The following SORBS2 variants were observed in gnomAD, a reference collection of about 807,000 sequenced individuals.
The protein encoded by SORBS2 is sorbin and SH3 domain containing 2, also known as sorbin and SH3 domain-containing protein 2.
Under a neutral mutation model 97.7 loss-of-function variants are expected in SORBS2, and 46 were observed. The observed-to-expected ratio is 0.47, with a 90% CI of 0.37 to 0.60. The LOEUF (loss-of-function observed/expected upper bound fraction) is 0.60. Ranked by LOEUF, SORBS2 falls within the 20% of genes least tolerant of loss-of-function variation. The pLI is 0.00. For synonymous variants in SORBS2, 476 were observed against 473.4 expected, an observed-to-expected ratio of 1.01 and a Z score of -0.07; for missense variants, 1,316 against 1,282.3, an observed-to-expected ratio of 1.03 and a Z score of -0.40.
At chr4:185,898,625 G>C (rs151071837) in intron 1 of SORBS2, among the ~76,000 whole-genome samples, 1 of 152,144 alleles carries the variant, frequency 6.6e-6, no homozygotes, top group Non-Finnish European at 1.5e-5. Context: ...CTAACTAGCG[G>C]CTACGTTGAT....
chr4:185,955,158 G>A (rs531396484), intron 1 of SORBS2, among the ~76,000 whole-genome samples: 4 of 152,034 alleles, frequency 2.6e-5, no homozygotes, highest in East Asian at 1.9e-4. Context: ...ATGTTTCTTA[G>A]AGATCACTAG....
chr4:185,669,057 C>G (rs1397965871), intron 4 of SORBS2, among the ~76,000 whole-genome samples: 3 of 152,194 alleles, frequency 2.0e-5, no homozygotes, highest in Non-Finnish European at 4.4e-5. Context: ...CCAAATGACT[C>G]CAACCCAGAA....
intron 1 of SORBS2, among the ~76,000 whole-genome samples, chr4:185,850,857 G>C (rs1321212722): frequency 1.3e-5 from 2 of 152,154 alleles, no homozygotes; most frequent in African/African-American, 4.8e-5. Flanking sequence ...CTTACCCAGG[G>C]TGTGTGGGCA....
chr4:185,928,377 C>T (rs1250527460), intron 1 of SORBS2, among the ~76,000 whole-genome samples: 2 of 152,006 alleles, frequency 1.3e-5, no homozygotes, highest in Non-Finnish European at 2.9e-5. Context: ...GCACTCCAGC[C>T]TGAGTGGCAG....
intron 1 of SORBS2, among the ~76,000 whole-genome samples, chr4:185,786,728 G>T (rs187967438): frequency 6.6e-6 from 1 of 152,276 alleles, no homozygotes; most frequent in East Asian, 1.9e-4. Context: ...TTGGGAGGCC[G>T]GGGCGAGCAA....
rs1431293135 is a variant in SORBS2 at position 185,868,155 on chromosome 4, C to CTTTTTTTTTTTTTTTTTTTTTTTTTTTT, written c.-338+88040_-338+88041insAAAAAAAAAAAAAAAAAAAAAAAAAAAA. The stretch of plus-strand genomic sequence containing the variant: ...CCTTTCTCTTTTCTTTTCTTTTTTT[C>CTTTTTTTTTTTTTTTTTTTTTTTTTTTT]TTTCTTTTTTTTTTTTTTTGAGGCA... On this transcript the variant is annotated intron_variant, in intron 1 of 20. Coordinates refer to the SORBS2 transcript ENST00000284776. 5.0e-4 allele frequency among the ~76,000 whole-genome samples: 50 copies of CTTTTTTTTTTTTTTTTTTTTTTTTTTTT among 100,696 alleles called. 4 individuals are homozygous for CTTTTTTTTTTTTTTTTTTTTTTTTTTTT. The highest frequency in any genetic ancestry group is 7.7e-4 in the Non-Finnish European group (41 of 53,292). 66.1% of individuals were successfully genotyped at this position (100,696 alleles called of 152,430 possible). A position where few individuals can be genotyped will look rare whatever the true frequency, so the allele number is the denominator to read the frequency against.
chr4:185,919,630 G>T (rs538004987), intron 1 of SORBS2, among the ~76,000 whole-genome samples: 6 of 152,202 alleles, frequency 3.9e-5, no homozygotes, highest in Admixed American at 3.9e-4. Flanking sequence ...GTCAAAATGA[G>T]AAAAGTCAAA....
At chr4:185,762,926 T>C (rs1407739771) in intron 2 of SORBS2, among the ~76,000 whole-genome samples, 3 of 152,176 alleles carry the variant, frequency 2.0e-5, no homozygotes, top group Non-Finnish European at 2.9e-5. Flanking sequence ...TGGTGGCTTA[T>C]GCCTGTAATC....
intron 1 of SORBS2, among the ~76,000 whole-genome samples, chr4:185,786,015 A>G (rs1257876574): frequency 6.6e-6 from 1 of 152,318 alleles, no homozygotes; most frequent in East Asian, 1.9e-4. Context: ...ATTATTTGCA[A>G]ATTGATCTTC....
At chr4:185,860,316 C>G (rs1413042229) in intron 1 of SORBS2, among the ~76,000 whole-genome samples, 1 of 152,138 alleles carries the variant, frequency 6.6e-6, no homozygotes, top group Non-Finnish European at 1.5e-5. Flanking sequence ...AATAAACAAA[C>G]AAGTAAACAA....
At chr4:185,848,164 G>A (rs753614539) in intron 1 of SORBS2, among the ~76,000 whole-genome samples, 7 of 152,142 alleles carry the variant, frequency 4.6e-5, no homozygotes, top group Non-Finnish European at 7.3e-5. Context: ...CAGAGAAGGG[G>A]ATGCGCGGTG....
chr4:185,860,340 A>T (rs1260742885), intron 1 of SORBS2, among the ~76,000 whole-genome samples: 2 of 152,224 alleles, frequency 1.3e-5, no homozygotes, highest in African/African-American at 2.4e-5. Flanking sequence ...AATAGTTGAC[A>T]ATTTCGATAA....
At chr4:185,730,520 A>G (rs1172637958) in intron 2 of SORBS2, among the ~76,000 whole-genome samples, 1 of 152,186 alleles carries the variant, frequency 6.6e-6, no homozygotes, top group Non-Finnish European at 1.5e-5. Flanking sequence ...CACTGTCAGC[A>G]CTGCTTTCAA....
chr4:185,626,724 T>C, intron 6 of SORBS2, 108 bp downstream of exon 18: 1 of 1,021,582 alleles, frequency 9.8e-7, no homozygotes, highest in Non-Finnish European at 1.5e-6. Context: ...TTCCAGACAC[T>C]GTAGGTGAGA....
chr4:185,745,247 T>C (rs1407359715), intron 2 of SORBS2, among the ~76,000 whole-genome samples: 1 of 152,096 alleles, frequency 6.6e-6, no homozygotes, highest in African/African-American at 2.4e-5. Flanking sequence ...AAGCAGTGTC[T>C]CTATCCGAGA....
At chr4:185,595,444 C>A (rs1580506486) in intron 12 of SORBS2, among the ~76,000 whole-genome samples, 4 of 151,992 alleles carry the variant, frequency 2.6e-5, no homozygotes, top group Admixed American at 2.6e-4. Flanking sequence ...TCATTTAATT[C>A]AAGATATTAT....
At chr4:185,804,584 C>T (rs2099145060) in intron 1 of SORBS2, among the ~76,000 whole-genome samples, 1 of 152,114 alleles carries the variant, frequency 6.6e-6, no homozygotes, top group African/African-American at 2.4e-5. Context: ...CCTTAAAAGT[C>T]CCTACTTTTT....
intron 1 of SORBS2, among the ~76,000 whole-genome samples, chr4:185,951,760 C>T (rs2168164): frequency 4.6e-5 from 7 of 152,130 alleles, no homozygotes; most frequent in Non-Finnish European, 7.4e-5. Context: ...ATTTGGCCAC[C>T]TTTCCCATCG....
upstream of SORBS2, chr4:185,657,547 G>T (rs1375141261): frequency 6.3e-7 from 1 of 1,580,410 alleles, no homozygotes; most frequent in African/African-American, 1.4e-5. Context: ...TAGAGCTGCT[G>T]GTGGTGCCAT....
Sources: allele counts gnomAD v4.1 joint callset (sites outside exome capture counted in the v4.1 genomes callset), GRCh38; gene constraint gnomAD v4.1.1; transcripts MANE v1.5; gene names NCBI Gene and HGNC (gene_info 2026-07-23, HGNC 2026-07-21).